Variants in SAMD12 observed in about 807,000 individuals in gnomAD.
The protein encoded by SAMD12 is sterile alpha motif domain containing 12.
A neutral mutation model predicts 15.0 loss-of-function variants in SAMD12; 9 were observed. The observed-to-expected ratio is 0.60, with a 90% CI of 0.36 to 1.05. The LOEUF is 1.05. SAMD12 is among the 50% of genes least tolerant of loss of function. SAMD12 has a pLI of 0.01. For missense variants in SAMD12, 230 were observed against 234.2 expected (o/e 0.98, Z 0.12); for synonymous variants, 86 against 90.1 (o/e 0.96, Z 0.25).
intron 4 of SAMD12, among the ~76,000 whole-genome samples, chr8:118,327,589 T>C (rs903114946): frequency 9.9e-5 from 15 of 152,188 alleles, no homozygotes; most frequent in African/African-American, 3.6e-4. Flanking sequence ...TGAAGTTTCA[T>C]TGAAATTAAT....
At chr8:118,131,830 T>C in the SAMD12 span, among the ~76,000 whole-genome samples, 1 of 152,244 alleles carries the variant, frequency 6.6e-6, no homozygotes, top group African/African-American at 2.4e-5. Context: ...CTATGTGGCA[T>C]GGTAAGCTTC....
intron 2 of SAMD12, among the ~76,000 whole-genome samples, chr8:118,455,276 T>TCTCTCTCTCA: frequency 6.7e-6 from 1 of 150,114 alleles, no homozygotes; most frequent in East Asian, 1.9e-4. Flanking sequence ...CACCTCTCTC[T>TCTCTCTCTCA]CTCTCTCTCT....
At chr8:118,359,359 A>C (rs138247353) in intron 4 of SAMD12, among the ~76,000 whole-genome samples, 159 of 152,228 alleles carry the variant, frequency 1.0e-3, no homozygotes, top group African/African-American at 3.7e-3. Context: ...CCAGGACAGC[A>C]AGCAAATCAA....
At chr8:118,306,678 T>G (rs1187716447) in intron 4 of SAMD12, among the ~76,000 whole-genome samples, 1 of 152,124 alleles carries the variant, frequency 6.6e-6, no homozygotes, top group Non-Finnish European at 1.5e-5. Context: ...GCAAATAAAA[T>G]TCTCTTTTGT....
chr8:118,195,524 G>A (rs773777449), exon 5 of SAMD12: 3 of 152,394 alleles, frequency 2.0e-5, no homozygotes, highest in South Asian at 4.1e-4. Flanking sequence ...AGAGTTGGCT[G>A]TATCTGAAAG....
intron 4 of SAMD12, among the ~76,000 whole-genome samples, chr8:118,308,931 G>A (rs547944379): frequency 8.8e-4 from 134 of 152,162 alleles, no homozygotes; most frequent in African/African-American, 3.0e-3. Flanking sequence ...TCTAGGAAAA[G>A]CCCAAATTTT....
intron 2 of SAMD12, among the ~76,000 whole-genome samples, chr8:118,549,334 T>G (rs2131174138): frequency 6.6e-6 from 1 of 152,286 alleles, no homozygotes; most frequent in South Asian, 2.1e-4. Context: ...GAGACAAAAC[T>G]TCCAGAGGAA....
In SAMD12 at chr8:118,233,067, A is replaced by AT. The variant is rs532916942; in HGVS notation, c.434-35336dup. Among the ~76,000 whole-genome samples, 512 of 152,010 alleles carry AT rather than the reference A, an allele frequency of 3.4e-3. 2 individuals carry two copies. The highest frequency in any genetic ancestry group is 0.01 in the Middle Eastern group (3 of 294). Reference sequence around the variant, plus strand: ...TGTAATAGCAGAGAGGAATGAATCTATTTTTTTTCCATTTCCAGAGAATAA... The same window carrying AT: ...TGTAATAGCAGAGAGGAATGAATCTATTTTTTTTTCCATTTCCAGAGAATAA... On this transcript the variant is annotated intron_variant, in intron 4 of 4. Transcript: ENST00000409003.
chr8:118,212,119 A>G (rs970135996), intron 4 of SAMD12, among the ~76,000 whole-genome samples: 12 of 151,860 alleles, frequency 7.9e-5, no homozygotes, highest in Non-Finnish European at 1.8e-4. Flanking sequence ...AATCCAAGAT[A>G]CATTTTTTTC....
chr8:118,466,604 T>G (rs563646099), intron 2 of SAMD12, among the ~76,000 whole-genome samples: 1 of 152,302 alleles, frequency 6.6e-6, no homozygotes, highest in East Asian at 1.9e-4. Flanking sequence ...AAAGACAATT[T>G]AATTAAAATC....
At chr8:118,182,323 T>G in the SAMD12 span, among the ~76,000 whole-genome samples, 1 of 152,236 alleles carries the variant, frequency 6.6e-6, no homozygotes, top group Non-Finnish European at 1.5e-5. Context: ...AACATTCACA[T>G]GATTTTTGCA....
At chr8:118,344,084 A>G (rs371814954) in intron 4 of SAMD12, among the ~76,000 whole-genome samples, 2 of 152,222 alleles carry the variant, frequency 1.3e-5, no homozygotes, top group Non-Finnish European at 2.9e-5. Context: ...AGCGAGGGAC[A>G]GCAAACTTCA....
At chr8:118,315,606 T>C (rs778157328) in intron 4 of SAMD12, among the ~76,000 whole-genome samples, 1 of 152,180 alleles carries the variant, frequency 6.6e-6, no homozygotes, top group Non-Finnish European at 1.5e-5. Context: ...ATGTGGTTCC[T>C]TGAGGGCTCG....
In SAMD12 at chr8:118,359,072, T is replaced by C. The variant is rs1257262580; in HGVS notation, c.433+20488A>G. On this transcript the variant is annotated intron_variant, in intron 4 of 4. Transcript: ENST00000409003. ...TCTCCTTCTTTAACAACTATCTCTG[T>C]TATGGGCTGAATTATTCCCTGCCCC... 2.0e-5 allele frequency among the ~76,000 whole-genome samples: 3 copies of C among 152,048 alleles called. No homozygotes were observed. In the East Asian group the frequency reaches 5.8e-4, roughly 29 times the overall value.
At chr8:118,385,357 C>G (rs1819897450) in intron 3 of SAMD12, among the ~76,000 whole-genome samples, 1 of 152,070 alleles carries the variant, frequency 6.6e-6, no homozygotes, top group African/African-American at 2.4e-5. Flanking sequence ...GCCTGATGGC[C>G]TTTGCACTGG....
intron 2 of SAMD12, among the ~76,000 whole-genome samples, chr8:118,533,589 G>T (rs1825751070): frequency 6.6e-6 from 1 of 152,114 alleles, no homozygotes; most frequent in South Asian, 2.1e-4. Context: ...CTCTTTGTAG[G>T]TCTCTAAGGA....
chr8:118,546,397 G>A (rs1826124952), intron 2 of SAMD12, among the ~76,000 whole-genome samples: 1 of 151,998 alleles, frequency 6.6e-6, no homozygotes, highest in Non-Finnish European at 1.5e-5. Context: ...CAGCCCACCC[G>A]AGCTTTGTCC....
At chr8:118,287,124 T>A (rs897276703) in intron 4 of SAMD12, among the ~76,000 whole-genome samples, 13 of 104,122 alleles carry the variant, frequency 1.2e-4, no homozygotes, top group South Asian at 9.9e-4. Flanking sequence ...GGAAGAATAT[T>A]TTTTTTTTTT....
chr8:118,225,416 C>T (rs1169743785), intron 4 of SAMD12, among the ~76,000 whole-genome samples: 1 of 152,124 alleles, frequency 6.6e-6, no homozygotes, highest in Non-Finnish European at 1.5e-5. Flanking sequence ...GCCTCACTTC[C>T]CAAATGCTGC....
Sources: gnomAD v4.1 joint callset for allele counts (sites outside exome capture counted in the v4.1 genomes callset) on GRCh38, gnomAD v4.1.1 for gene constraint, MANE v1.5 for transcripts, NCBI Gene and HGNC (gene_info 2026-07-23, HGNC 2026-07-21) for gene names.